The following ZNF280D variants were observed in gnomAD, a reference collection of about 807,000 sequenced individuals.
ZNF280D encodes the protein zinc finger protein 280D, also known as suppressor of hairy wing homolog 4.
A neutral mutation model predicts 94.7 loss-of-function variants in ZNF280D; 39 were observed. The observed-to-expected ratio is 0.41, with a 90% confidence interval of 0.32 to 0.54. The LOEUF (loss-of-function observed/expected upper bound fraction) is 0.54, where lower values mean the gene tolerates loss of function less well. ZNF280D is among the 20% of genes least tolerant of loss of function. The pLI, the probability that ZNF280D is intolerant of heterozygous loss-of-function variation, is 0.22. For synonymous variants in ZNF280D, 398 were observed against 377.6 expected (o/e 1.05, Z -0.63); for missense variants, 1,090 against 1,149.3 (o/e 0.95, Z 0.75).
chr15:56,667,031 C>A (rs371522641), intron 14 of ZNF280D, 45 bp from the exon 15 acceptor site: 1 of 1,320,036 alleles, frequency 7.6e-7, no homozygotes, highest in Non-Finnish European at 1.0e-6. Context: ...TTAATCAGTA[C>A]ATTAATATTA....
chr15:56,648,522 G>A (rs1438448913), intron 19 of ZNF280D, among the ~76,000 whole-genome samples: 2 of 151,914 alleles, frequency 1.3e-5, no homozygotes, highest in Non-Finnish European at 2.9e-5. Context: ...AGAAGCAATA[G>A]AGGATACTAC....
intron 16 of ZNF280D, among the ~76,000 whole-genome samples, chr15:56,664,083 TAA>T (rs2054130671): frequency 6.6e-6 from 1 of 152,088 alleles, no homozygotes; most frequent in African/African-American, 2.4e-5. Context: ...TTAAACAAAT[TAA>T]GTTTTAAAAA....
At chr15:56,707,665 A>C (rs2057491244) in intron 1 of ZNF280D, among the ~76,000 whole-genome samples, 1 of 152,204 alleles carries the variant, frequency 6.6e-6, no homozygotes, top group Non-Finnish European at 1.5e-5. Context: ...TCAGAAATAC[A>C]TGTAATTATT....
intron 1 of ZNF280D, chr15:56,725,008 G>A: frequency 2.8e-6 from 1 of 352,232 alleles, no homozygotes; most frequent in Admixed American, 3.7e-5. Context: ...AGGAAAAGCA[G>A]AGCAAGTAAA....
chr15:56,702,669 CG>C (rs2057153462), intron 4 of ZNF280D, among the ~76,000 whole-genome samples: 1 of 152,030 alleles, frequency 6.6e-6, no homozygotes, highest in South Asian at 2.1e-4. Context: ...CCACTATCAC[CG>C]ACGATGCCAT....
intron 19 of ZNF280D, among the ~76,000 whole-genome samples, chr15:56,650,898 T>C (rs541284061): frequency 2.0e-5 from 3 of 152,238 alleles, no homozygotes; most frequent in South Asian, 4.1e-4. Flanking sequence ...TCAAATGTCA[T>C]CTCTCAGTGA....
At chr15:56,670,041 C>A (rs2054752747) in intron 13 of ZNF280D, among the ~76,000 whole-genome samples, 1 of 14,608 alleles carries the variant, frequency 6.8e-5, no homozygotes, top group Non-Finnish European at 1.4e-4. Context: ...AGAGAAACCA[C>A]TCTTTTGTAG....
chr15:56,690,462 A>G (rs911861529), intron 7 of ZNF280D, among the ~76,000 whole-genome samples: 1 of 152,204 alleles, frequency 6.6e-6, no homozygotes. Flanking sequence ...TAGTAAGTAT[A>G]ATGATTTTCA....
In ZNF280D at chr15:56,676,711, T is replaced by C. The variant is rs2055256664; in HGVS notation, c.1369A>G (p.Lys457Glu). 2.5e-6 allele frequency: 4 copies of C among 1,612,664 alleles called. No homozygotes were observed. Among genetic ancestry groups the C allele is most frequent in the African/African-American group, 1.3e-5 (1 of 74,884 alleles). ...LLCPFCLKVI[K>E]IATPYMHHYM... ...TGATGCATATATGGTGTTGCAATTT[T>C]AATAACTTTGAGGCAAAACGGGCAT... The change falls in exon 13 of 22, where the codon AAA becomes GAA. Residue 457 changes from lysine (K) to glutamate (E), a missense_variant. Transcript: ENST00000267807.
chr15:56,686,447 T>C (rs141908378), intron 9 of ZNF280D, among the ~76,000 whole-genome samples: 28 of 152,204 alleles, frequency 1.8e-4, no homozygotes, highest in Non-Finnish European at 2.8e-4. Flanking sequence ...CCTCATAATA[T>C]AGTTATAAAA....
At chr15:56,731,708 C>T (rs2058900014) in intron 1 of ZNF280D, among the ~76,000 whole-genome samples, 1 of 152,032 alleles carries the variant, frequency 6.6e-6, no homozygotes, top group Non-Finnish European at 1.5e-5. Flanking sequence ...GCTGAACTGT[C>T]ATATCCGTAA....
At chr15:56,654,893 T>A (rs1699663583) in intron 17 of ZNF280D, 5 of 453,622 alleles carry the variant, frequency 1.1e-5, no homozygotes, top group Non-Finnish European at 2.2e-5. Flanking sequence ...CTGGAGCTAT[T>A]TTTATATATA....
rs1201475379 is a variant in ZNF280D, at chr15:56,632,890, T to TA, written c.2316-769dup. Among the ~76,000 whole-genome samples, 543 of 148,178 alleles carry TA rather than the reference T, an allele frequency of 3.7e-3. 8 individuals carry two copies. The highest frequency in any genetic ancestry group is 0.022 in the Admixed American group (326 of 14,890). On this transcript the variant is annotated intron_variant, in intron 21 of 21. Transcript: ENST00000267807. ...TTTTCTAATTTTTAATAGCCCAATT[T>TA]AAAAAAAAAACACATGCCTGAAAAA...
intron 3 of ZNF280D, among the ~76,000 whole-genome samples, chr15:56,705,053 T>C (rs750536304): frequency 1.3e-5 from 2 of 151,864 alleles, no homozygotes; most frequent in Non-Finnish European, 2.9e-5. Context: ...GAAAACTAAT[T>C]AGGCTTATTC....
At chr15:56,658,011 G>A (rs1458693609) in intron 17 of ZNF280D, among the ~76,000 whole-genome samples, 3 of 152,078 alleles carry the variant, frequency 2.0e-5, no homozygotes, top group African/African-American at 7.2e-5. Context: ...GGGTTTTGCA[G>A]CAATTTTTAA....
At chr15:56,680,929 G>A (rs1468343467) in intron 10 of ZNF280D, among the ~76,000 whole-genome samples, 5 of 152,142 alleles carry the variant, frequency 3.3e-5, no homozygotes, top group Non-Finnish European at 5.9e-5. Flanking sequence ...ATGATTTCCC[G>A]ATGTTGGCAT....
At chr15:56,683,858 G>A (rs993558218) in intron 9 of ZNF280D, among the ~76,000 whole-genome samples, 3 of 152,080 alleles carry the variant, frequency 2.0e-5, no homozygotes, top group South Asian at 4.1e-4. Context: ...CATAATATAC[G>A]AAAGCACTAT....
At chr15:56,686,031 CAG>C (rs1430696807) in intron 9 of ZNF280D, among the ~76,000 whole-genome samples, 1 of 152,146 alleles carries the variant, frequency 6.6e-6, no homozygotes, top group Non-Finnish European at 1.5e-5. Context: ...GAAACCATAA[CAG>C]GGGTTGTGAG....
At chr15:56,687,087 T>A (rs913544019) in intron 9 of ZNF280D, among the ~76,000 whole-genome samples, 1 of 152,082 alleles carries the variant, frequency 6.6e-6, no homozygotes, top group Non-Finnish European at 1.5e-5. Context: ...CATAAAAATA[T>A]ATAAACTAGA....
Sources: allele counts gnomAD v4.1 joint callset (sites outside exome capture counted in the v4.1 genomes callset), GRCh38; gene constraint gnomAD v4.1.1; transcripts MANE v1.5; gene names NCBI Gene and HGNC (gene_info 2026-07-23, HGNC 2026-07-21).